The following SIN3B variants were observed in gnomAD, a reference collection of about 807,000 sequenced individuals.
SIN3B encodes paired amphipathic helix protein Sin3b.
Under a neutral mutation model 120.2 loss-of-function variants are expected in SIN3B, and 19 were observed. The ratio of observed to expected loss-of-function variants is 0.16; its 90% CI spans 0.11 to 0.23. The LOEUF is 0.23. SIN3B is among the 10% of genes least tolerant of loss of function. The pLI, the probability that SIN3B is intolerant of heterozygous loss-of-function variation, is 1.00. For synonymous variants in SIN3B, 654 were observed against 653.2 expected (o/e 1.00, Z -0.02); for missense variants, 1,073 against 1,573.0 (o/e 0.68, Z 5.38).
Position 16,865,447 on chromosome 19 carries a change from G to A in SIN3B, c.1421G>A (p.Arg474His). The A allele has an allele frequency of 1.9e-6, 3 of 1,609,428 alleles. No homozygotes were observed. The highest frequency in any genetic ancestry group is 1.1e-5 in the South Asian group (1 of 90,976). ...VVLETNLATI[R>H]VLESVQKKLS... Reference sequence around the variant, plus strand: ...CTGGAGACGAACCTGGCCACAATCCGTGTGTTGGAAAGTGTGCAGAAGAAG... The same window carrying A: ...CTGGAGACGAACCTGGCCACAATCCATGTGTTGGAAAGTGTGCAGAAGAAG... The change falls in exon 11 of 19, where the codon CGT (arginine) becomes CAT (histidine). Residue 474 changes from arginine to histidine, a missense_variant. This residue lies in a region of SIN3B where 118 missense variants were observed against 281.6 expected (regional missense o/e 0.42). Coordinates refer to ENST00000248054, the MANE Select transcript of SIN3B (RefSeq NM_001297595.2).
Position 16,876,242 on chromosome 19 carries a change from T to A in SIN3B, c.2766+14T>A. On this transcript the variant is annotated intron_variant, in intron 15 of 18. Transcript: ENST00000248054. The surrounding 1 kb of genome is among the most constrained non-coding windows in gnomAD (Gnocchi z 7.1). ...AACTGCTTCAAGGTGAGAGGAGGCCTGGGGCTGGGAACACGCCGGGAGGCC... is the reference window on the plus strand; with the variant it reads ...AACTGCTTCAAGGTGAGAGGAGGCCAGGGGCTGGGAACACGCCGGGAGGCC... 1 of 1,603,008 alleles carries A rather than the reference T, an allele frequency of 6.2e-7. No homozygotes were observed. Among genetic ancestry groups the A allele is most frequent in the Non-Finnish European group, 8.5e-7 (1 of 1,172,600 alleles).
chr19:16,863,924 C>T (rs1310633062), intron 10 of SIN3B, 128 bp downstream of exon 10: 4 of 664,392 alleles, frequency 6.0e-6, no homozygotes, highest in African/African-American at 1.8e-5. Context: ...CACATTCCAA[C>T]AGCTCCTGGA....
intron 7 of SIN3B, 106 bp from the exon 8 acceptor site, chr19:16,854,037 C>T (rs1971580510): frequency 1.4e-6 from 1 of 721,456 alleles, no homozygotes; most frequent in African/African-American, 1.8e-5. Flanking sequence ...CTTATAGACA[C>T]AGTTGGTTCC....
chr19:16,870,817 G>A (rs1180427322), intron 13 of SIN3B, among the ~76,000 whole-genome samples: 1 of 152,142 alleles, frequency 6.6e-6, no homozygotes, highest in Non-Finnish European at 1.5e-5. Flanking sequence ...GGCTTCCAAA[G>A]TGATGGGATT....
chr19:16,873,660 A>T (rs535429401), intron 14 of SIN3B, among the ~76,000 whole-genome samples: 1 of 152,122 alleles, frequency 6.6e-6, no homozygotes, highest in African/African-American at 2.4e-5. Flanking sequence ...CCCCTTCCAT[A>T]AACAACTCCT....
rs554020700 is a variant in SIN3B, at chr19:16,873,957, T to A, written c.2593-2098T>A. On this transcript the variant is annotated intron_variant, in intron 14 of 18. Transcript: ENST00000248054. ...TGTGCCAGGTACTGTCTGAAACCTA[T>A]GCGTGTCCAGGTGTTATTGTATCCA... Among the ~76,000 whole-genome samples the A allele has an allele frequency of 5.3e-5, 8 of 152,364 alleles. No individual in the cohort carries two copies. The East Asian group carries it at 1.5e-3, about 29-fold the overall frequency.
chr19:16,832,523 C>T (rs1185886252), intron 3 of SIN3B, among the ~76,000 whole-genome samples: 2 of 138,938 alleles, frequency 1.4e-5, no homozygotes, highest in Non-Finnish European at 3.1e-5. Context: ...TTTTTTAAGA[C>T]AGGTTCTCAC....
chr19:16,848,426 GT>G (rs11293258), intron 5 of SIN3B, among the ~76,000 whole-genome samples: 7,299 of 116,928 alleles, frequency 0.062, 173 homozygotes, highest in African/African-American at 0.12. Flanking sequence ...TCTTTTCCAG[GT>G]TTTTTTTTTT....
rs909095125 is a variant in SIN3B at position 16,878,967 on chromosome 19, G to A, written c.*240G>A. Reference sequence around the variant, plus strand: ...TGGGGCTCAGCCCCACCACAGGGGCGGGTGGACGTGCTGGCCGAGGAACAA... The same window carrying A: ...TGGGGCTCAGCCCCACCACAGGGGCAGGTGGACGTGCTGGCCGAGGAACAA... On this transcript the variant is annotated 3_prime_UTR_variant, in exon 19 of 19. Transcript: ENST00000248054. The A allele has an allele frequency of 1.4e-4, 75 of 548,506 alleles. No homozygotes were observed. The highest frequency in any genetic ancestry group is 1.1e-3 in the African/African-American group (58 of 51,702). 34.0% of individuals were successfully genotyped at this position (548,506 alleles called of 1,614,324 possible).
At chr19:16,850,377 A>G (rs1435959801) in intron 5 of SIN3B, among the ~76,000 whole-genome samples, 1 of 152,134 alleles carries the variant, frequency 6.6e-6, no homozygotes, top group African/African-American at 2.4e-5. Context: ...TGTGTAACAA[A>G]TACTTTTTAC....
rs1298796315 is a variant in SIN3B at position 16,880,039 on chromosome 19, C to T, written c.*1312C>T. On this transcript the variant is annotated 3_prime_UTR_variant, in exon 19 of 19. Coordinates refer to ENST00000248054, the MANE Select transcript of SIN3B (RefSeq NM_001297595.2). Reference sequence around the variant, plus strand: ...TGCTGACCCGTCCTCCTGGGCTCCCCACCCCCGCTCCCCAAGTGTCACACA... The same window carrying T: ...TGCTGACCCGTCCTCCTGGGCTCCCTACCCCCGCTCCCCAAGTGTCACACA... The T allele has an allele frequency of 1.3e-5, 2 of 152,330 alleles. No homozygotes were observed. The highest frequency in any genetic ancestry group is 2.4e-5 in the African/African-American group (1 of 41,438). The allele number at this position is 152,330 out of a possible 1,614,324, so 9.4% of individuals were successfully genotyped here.
At chr19:16,851,366 T>A (rs1272459084) in intron 5 of SIN3B, 46 bp from the exon 6 acceptor site, 4 of 1,528,284 alleles carry the variant, frequency 2.6e-6, no homozygotes, top group Non-Finnish European at 3.5e-6. Flanking sequence ...GGTGCATGGG[T>A]CCAGCCACGT....
Position 16,862,563 on chromosome 19 carries a change from G to GCTTA in SIN3B, c.1266+5_1266+6insTTAC, listed in dbSNP as rs1490340188. 1.4e-5 allele frequency: 23 copies of GCTTA among 1,611,214 alleles called. No individual in the cohort carries two copies. The highest frequency in any genetic ancestry group is 1.8e-4 in the Middle Eastern group (1 of 5,562). On this transcript the variant is annotated splice_donor_region_variant and intron_variant, in intron 9 of 18. Transcript: ENST00000248054. This position sits in a 1 kb window ranked among gnomAD's most constrained non-coding sequence, Gnocchi z 4.7. ...GAGGACAGCCATCTGCAAGGAGGTA[G>GCTTA]CGCTCCCTGGGGCTCAAATGTTCGT...
At chr19:16,851,645 C>T (rs575021098) in intron 6 of SIN3B, 111 bp downstream of exon 6, 105 of 1,376,498 alleles carry the variant, frequency 7.6e-5, no homozygotes, top group East Asian at 8.3e-5. Context: ...GGGGCTGGAC[C>T]GGGGGCTGTG....
chr19:16,843,452 A>G (rs1971443253), intron 4 of SIN3B, among the ~76,000 whole-genome samples: 1 of 152,232 alleles, frequency 6.6e-6, no homozygotes, highest in Non-Finnish European at 1.5e-5. Context: ...AGGCTGGTAC[A>G]GCCCTAAGAA....
At chr19:16,829,660 G>A in intron 1 of SIN3B, 120 bp downstream of exon 1, 1 of 481,876 alleles carries the variant, frequency 2.1e-6, no homozygotes, top group African/African-American at 4.4e-5. Context: ...GCACTGCCCC[G>A]GACCCCTCAC....
chr19:16,852,542 C>CAGCT, intron 6 of SIN3B, among the ~76,000 whole-genome samples: 1 of 152,362 alleles, frequency 6.6e-6, no homozygotes, highest in South Asian at 2.1e-4. Context: ...TCCCTGCACC[C>CAGCT]AGCTCATCCT....
chr19:16,877,748 T>G, intron 17 of SIN3B, 109 bp downstream of exon 17: 1 of 784,994 alleles, frequency 1.3e-6, no homozygotes, highest in Admixed American at 2.1e-5. Flanking sequence ...GAGCACTTAG[T>G]AGGTGCCTGC....
Position 16,871,287 on chromosome 19 carries a change from G to T in SIN3B, c.2481G>T (p.Leu827=). The T allele has an allele frequency of 6.2e-7, 1 of 1,614,212 alleles. No individual in the cohort carries two copies. Among genetic ancestry groups the T allele is most frequent in the South Asian group, 1.1e-5 (1 of 91,086 alleles). Residue 827 remains leucine (L), a synonymous_variant, in exon 14 of 19, where the codon CTG becomes CTT. Transcript: ENST00000248054. ...PAFLDMVRSL[L]EGSIDPTQYE... is the part of the protein sequence containing the mutation. ...TCCTGGACATGGTGCGGAGCCTGCT[G>T]GAGGGCAGCATCGACCCCACGCAGT...
Sources: allele counts gnomAD v4.1 joint callset (sites outside exome capture counted in the v4.1 genomes callset), GRCh38; gene constraint gnomAD v4.1.1; regional missense constraint gnomAD v4.1.1; non-coding constraint Gnocchi (gnomAD v3.1); transcripts MANE v1.5; gene names NCBI Gene and HGNC (gene_info 2026-07-23, HGNC 2026-07-21).